STAU1: variants seen among roughly 807,000 people sequenced by gnomAD.
STAU1 encodes the protein staufen double-stranded RNA binding protein 1, also known as double-stranded RNA-binding protein Staufen homolog 1.
A neutral mutation model predicts 62.9 loss-of-function variants in STAU1; 13 were observed. The observed-to-expected ratio is 0.21, with a 90% confidence interval of 0.13 to 0.33. The LOEUF (loss-of-function observed/expected upper bound fraction) is 0.33. Ranked by LOEUF, STAU1 falls within the 10% of genes least tolerant of loss-of-function variation. The pLI is 1.00. For missense variants in STAU1, 571 were observed against 712.1 expected, an observed-to-expected ratio of 0.80 and a Z score of 2.25; for synonymous variants, 269 against 265.1, an observed-to-expected ratio of 1.01 and a Z score of -0.14.
the STAU1 span, among the ~76,000 whole-genome samples, chr20:49,213,543 T>C: frequency 2.6e-5 from 4 of 152,118 alleles, no homozygotes; most frequent in Non-Finnish European, 5.9e-5. Context: ...GCTTTTAATG[T>C]GGGGCGATTA....
intron 2 of STAU1, among the ~76,000 whole-genome samples, chr20:49,170,617 G>A (rs1490165564): frequency 6.6e-6 from 1 of 152,152 alleles, no homozygotes; most frequent in Non-Finnish European, 1.5e-5. Flanking sequence ...CCTCAACAAA[G>A]TGCTGGGATT....
intron 1 of STAU1, among the ~76,000 whole-genome samples, chr20:49,179,889 T>C (rs998395846): frequency 2.0e-5 from 3 of 152,248 alleles, no homozygotes; most frequent in African/African-American, 7.2e-5. Context: ...AGACATGCTA[T>C]GTCATTACAG....
chr20:49,181,766 C>CAAAA (rs758956478), intron 1 of STAU1, among the ~76,000 whole-genome samples: 63 of 24,482 alleles, frequency 2.6e-3, no homozygotes, highest in Middle Eastern at 0.026. Context: ...ACTATCTCAA[C>CAAAA]AAAAAAAAAA....
At chr20:49,159,034 T>A in intron 3 of STAU1, 1 of 1,276,274 alleles carries the variant, frequency 7.8e-7, no homozygotes, top group South Asian at 1.3e-5. Context: ...AACAACAGCA[T>A]GAACTCAAAA....
Position 49,188,217 on chromosome 20 carries a change from G to A in STAU1, c.-261C>T, listed in dbSNP as rs1449183630. The A allele has an allele frequency of 6.6e-6, 1 of 151,720 alleles. No individual in the cohort carries two copies. Among genetic ancestry groups the A allele is most frequent in the Non-Finnish European group, 1.5e-5 (1 of 68,096 alleles). 9.4% of individuals were successfully genotyped at this position (151,720 alleles called of 1,614,324 possible). ...AAAGGGAGAGGAAGAAGGGACGAAG[G>A]GAGGGAAGAGGCGGAGTGGCCGTGG... On this transcript the variant is annotated 5_prime_UTR_variant, in exon 1 of 14. Transcript: ENST00000371856.
rs185846351 is a variant in STAU1, at chr20:49,176,773, T to C, written c.-159-2504A>G. On this transcript the variant is annotated intron_variant, in intron 1 of 13. Coordinates refer to ENST00000371856, the MANE Select transcript of STAU1 (RefSeq NM_017453.4). The stretch of plus-strand genomic sequence containing the variant: ...CCCAAATACCAAAGACCTTCTAACA[T>C]AGCCCATGCCTTTTACCAATAGGGG... Among the ~76,000 whole-genome samples the C allele has an allele frequency of 3.0e-3, 452 of 152,258 alleles. 8 individuals carry two copies. The highest frequency in any genetic ancestry group is 0.026 in the Admixed American group (396 of 15,290).
chr20:49,166,192 C>CTTGAGA lies in STAU1; in HGVS notation c.4_9dup (p.Ser2_Gln3dup). ...GATGGGTTCTGAACTTGCACTTGAA[C>CTTGAGA]TTGAGACATGGTCACTTTCAACAAA... On this transcript the variant is annotated inframe_insertion, in exon 3 of 14. Transcript: ENST00000371856. The CTTGAGA allele has an allele frequency of 6.2e-7, 1 of 1,614,146 alleles. No individual in the cohort carries two copies. The highest frequency in any genetic ancestry group is 8.5e-7 in the Non-Finnish European group (1 of 1,180,016).
At chr20:49,193,706 G>A in the STAU1 span, among the ~76,000 whole-genome samples, 3 of 151,130 alleles carry the variant, frequency 2.0e-5, no homozygotes, top group Admixed American at 6.6e-5. Flanking sequence ...GGTGGCTCAC[G>A]CCCTGTAATC....
intron 3 of STAU1, among the ~76,000 whole-genome samples, chr20:49,159,413 C>T (rs1053195439): frequency 1.3e-5 from 2 of 151,988 alleles, no homozygotes; most frequent in Non-Finnish European, 2.9e-5. Flanking sequence ...AGCCAAACTA[C>T]CTAAATTATT....
the STAU1 span, among the ~76,000 whole-genome samples, chr20:49,195,913 A>AAG: frequency 1.2e-5 from 1 of 80,196 alleles, no homozygotes; most frequent in East Asian, 8.7e-4. Context: ...AAAAAAAAAA[A>AAG]AAAAGAAAAA....
intron 5 of STAU1, among the ~76,000 whole-genome samples, chr20:49,149,145 G>C (rs753188310): frequency 3.9e-5 from 6 of 152,168 alleles, no homozygotes; most frequent in Middle Eastern, 3.4e-3. Flanking sequence ...CAGCTACTCA[G>C]GAAGCTGAAG....
At chr20:49,132,957 G>A (rs1306906537) in intron 6 of STAU1, among the ~76,000 whole-genome samples, 1 of 152,108 alleles carries the variant, frequency 6.6e-6, no homozygotes, top group African/African-American at 2.4e-5. Flanking sequence ...CAACCTTCCA[G>A]CGGCAAAAGA....
At chr20:49,127,257 G>C (rs1356032500) in intron 6 of STAU1, among the ~76,000 whole-genome samples, 1 of 152,144 alleles carries the variant, frequency 6.6e-6, no homozygotes, top group African/African-American at 2.4e-5. Flanking sequence ...AGGAGGCTGA[G>C]ACAGGAGAAT....
chr20:49,135,813 T>A lies in STAU1; in HGVS notation c.609+20A>T. 2 of 1,587,758 alleles carry A rather than the reference T, an allele frequency of 1.3e-6. No individual in the cohort carries two copies. The highest frequency in any genetic ancestry group is 1.1e-5 in the South Asian group (1 of 89,834). ...AACAGGATTTTAGAATACAAAGTCC[T>A]ACATGTAAAATTAGCTTACCTCGAA... On this transcript the variant is annotated intron_variant, in intron 6 of 13. Transcript: ENST00000371856.
intron 13 of STAU1, 52 bp from the exon 14 acceptor site, chr20:49,114,945 A>G: frequency 6.4e-7 from 1 of 1,570,912 alleles, no homozygotes. Context: ...TAAGAGAATT[A>G]AAGTACTGTT....
chr20:49,186,970 G>C (rs1256255409), intron 1 of STAU1, among the ~76,000 whole-genome samples: 2 of 152,144 alleles, frequency 1.3e-5, no homozygotes, highest in South Asian at 4.1e-4. Context: ...CTGCAACACG[G>C]AGGCGGGGCA....
chr20:49,160,933 A>G lies in STAU1; in HGVS notation c.205+5064T>C, dbSNP rs1459490548. On this transcript the variant is annotated intron_variant, in intron 3 of 13. Transcript: ENST00000371856. ...GTAAGCTGCAGACAAGAGGTGGCCCAAAGCTGGAAAACTTACGGGCAATCA... is the reference window on the plus strand; with the variant it reads ...GTAAGCTGCAGACAAGAGGTGGCCCGAAGCTGGAAAACTTACGGGCAATCA... Among the ~76,000 whole-genome samples, 9 of 152,192 alleles carry G rather than the reference A, an allele frequency of 5.9e-5. No homozygotes were observed. In the East Asian group the frequency reaches 1.7e-3, roughly 29 times the overall value.
chr20:49,165,203 C>T (rs1600813386), intron 3 of STAU1, among the ~76,000 whole-genome samples: 2 of 152,190 alleles, frequency 1.3e-5, no homozygotes, highest in East Asian at 3.9e-4. Context: ...CACCACCATG[C>T]CCAGCTATTT....
the STAU1 span, among the ~76,000 whole-genome samples, chr20:49,197,585 G>C: frequency 2.2e-4 from 33 of 151,704 alleles, no homozygotes; most frequent in African/African-American, 8.0e-4. Context: ...ATTTTTAGTA[G>C]AGACGGGGGT....
Sources: allele counts gnomAD v4.1 joint callset (sites outside exome capture counted in the v4.1 genomes callset), GRCh38; gene constraint gnomAD v4.1.1; transcripts MANE v1.5; gene names NCBI Gene and HGNC (gene_info 2026-07-23, HGNC 2026-07-21).